ATXN7L1: variants seen among roughly 807,000 people sequenced by gnomAD.
ATXN7L1 encodes the protein ataxin 7 like 1, also known as ataxin-7-like protein 1.
A neutral mutation model predicts 70.8 loss-of-function variants in ATXN7L1; 15 were observed. The ratio of observed to expected loss-of-function variants is 0.21; its 90% CI spans 0.14 to 0.33. ATXN7L1 has a LOEUF of 0.33. Ranked by LOEUF, ATXN7L1 falls within the 10% of genes least tolerant of loss-of-function variation. ATXN7L1 has a pLI of 1.00. For synonymous variants in ATXN7L1, 440 were observed against 445.1 expected (o/e 0.99, Z 0.14); for missense variants, 975 against 1,097.1 (o/e 0.89, Z 1.57).
At chr7:105,716,605 A>C (rs1363301578) in intron 3 of ATXN7L1, among the ~76,000 whole-genome samples, 1 of 147,752 alleles carries the variant, frequency 6.8e-6, no homozygotes, top group Non-Finnish European at 1.5e-5. Context: ...CTAGGTGGGC[A>C]GATGGCTTGA....
At chr7:105,741,039 C>T (rs1797971205) in intron 3 of ATXN7L1, among the ~76,000 whole-genome samples, 1 of 152,122 alleles carries the variant, frequency 6.6e-6, no homozygotes, top group Admixed American at 6.5e-5. Context: ...GCTGGGATTA[C>T]ACGCGTGAGC....
At chr7:105,842,255 T>C (rs999081535) in intron 2 of ATXN7L1, among the ~76,000 whole-genome samples, 11 of 152,190 alleles carry the variant, frequency 7.2e-5, no homozygotes, top group African/African-American at 2.7e-4. Context: ...AATTAATTAT[T>C]TTAAACATTG....
chr7:105,702,465 A>G (rs993714235), intron 3 of ATXN7L1, among the ~76,000 whole-genome samples: 1 of 152,146 alleles, frequency 6.6e-6, no homozygotes, highest in African/African-American at 2.4e-5. Flanking sequence ...CAAGAGGTAT[A>G]AATTGTGACT....
chr7:105,820,995 A>G (rs1413550880), intron 2 of ATXN7L1, among the ~76,000 whole-genome samples: 2 of 152,168 alleles, frequency 1.3e-5, no homozygotes, highest in African/African-American at 4.8e-5. Flanking sequence ...TGCTTCCTGT[A>G]CAGCCTGCAG....
At chr7:105,710,574 A>AT (rs548949786) in intron 3 of ATXN7L1, among the ~76,000 whole-genome samples, 1 of 151,620 alleles carries the variant, frequency 6.6e-6, no homozygotes, top group Non-Finnish European at 1.5e-5. Context: ...CGTCTGGCTA[A>AT]TTTTTTTTGT....
intron 3 of ATXN7L1, among the ~76,000 whole-genome samples, chr7:105,772,986 A>G (rs1280448813): frequency 1.3e-5 from 2 of 152,212 alleles, no homozygotes; most frequent in African/African-American, 4.8e-5. Context: ...GATAACCTAT[A>G]ACTAATGTTC....
At chr7:105,813,526 G>A (rs577940419) in intron 2 of ATXN7L1, among the ~76,000 whole-genome samples, 5 of 152,014 alleles carry the variant, frequency 3.3e-5, no homozygotes, top group Admixed American at 1.3e-4. Flanking sequence ...TAGTAGAGAC[G>A]GGGTTTCTCC....
chr7:105,806,529 T>C (rs1228134876), intron 2 of ATXN7L1, among the ~76,000 whole-genome samples: 1 of 152,148 alleles, frequency 6.6e-6, no homozygotes, highest in East Asian at 1.9e-4. Flanking sequence ...GAAACTGATC[T>C]GCAGTCCAAG....
intron 4 of ATXN7L1, among the ~76,000 whole-genome samples, chr7:105,645,640 CAAAAAA>C (rs34135377): frequency 8.1e-5 from 10 of 124,084 alleles, no homozygotes; most frequent in Non-Finnish European, 1.3e-4. Context: ...GCTAAAAATC[CAAAAAA>C]AAAAAAAAAA....
chr7:105,761,111 T>A, intron 3 of ATXN7L1: 1 of 1,112,338 alleles, frequency 9.0e-7, no homozygotes, highest in South Asian at 3.9e-5. Flanking sequence ...CTTTTGCAGT[T>A]GTCCAGGTGG....
chr7:105,876,254 G>C, intron 1 of ATXN7L1, 124 bp downstream of exon 1: 5 of 1,231,714 alleles, frequency 4.1e-6, no homozygotes, highest in Non-Finnish European at 3.3e-6. Context: ...TAGAGAGAGA[G>C]GGAGAAGCAT....
At position 105,805,576 on chromosome 7, in the gene ATXN7L1, A is replaced by G. The variant is rs568833619; in HGVS notation, c.251-16868T>C. Among the ~76,000 whole-genome samples, 22 of 152,358 alleles carry G rather than the reference A, an allele frequency of 1.4e-4. 1 individual carries two copies. Among genetic ancestry groups the G allele is most frequent in the South Asian group, 6.2e-4 (3 of 4,824 alleles). Reference sequence around the variant, plus strand: ...TATGCCCTCAAGGAGCTCACAGATCATGAAAAGAGACAGGGCGAGACTCAC... The same window carrying G: ...TATGCCCTCAAGGAGCTCACAGATCGTGAAAAGAGACAGGGCGAGACTCAC... On this transcript the variant is annotated intron_variant, in intron 2 of 11. Coordinates refer to ENST00000419735, the MANE Select transcript of ATXN7L1 (RefSeq NM_020725.2).
chr7:105,718,912 T>G (rs1229159455), intron 3 of ATXN7L1, among the ~76,000 whole-genome samples: 1 of 151,896 alleles, frequency 6.6e-6, no homozygotes, highest in Non-Finnish European at 1.5e-5. Flanking sequence ...ACCTCCCAGT[T>G]TAGGAGAGAA....
At chr7:105,733,885 C>T (rs1289971844) in intron 3 of ATXN7L1, among the ~76,000 whole-genome samples, 1 of 102,144 alleles carries the variant, frequency 9.8e-6, no homozygotes, top group Non-Finnish European at 2.2e-5. Flanking sequence ...CATCCATCAT[C>T]CATCATCCAT....
intron 3 of ATXN7L1, among the ~76,000 whole-genome samples, chr7:105,692,929 G>C (rs1791205082): frequency 6.6e-6 from 1 of 152,030 alleles, no homozygotes; most frequent in South Asian, 2.1e-4. Flanking sequence ...TTGCCACCAG[G>C]CTGGTCTCAA....
intron 2 of ATXN7L1, among the ~76,000 whole-genome samples, chr7:105,871,245 A>G (rs1163961176): frequency 6.6e-6 from 1 of 152,148 alleles, no homozygotes; most frequent in Non-Finnish European, 1.5e-5. Flanking sequence ...ATGGGCAAAT[A>G]GGCCAAGAGA....
At chr7:105,788,545 G>T in intron 3 of ATXN7L1, 59 bp downstream of exon 3, 1 of 1,381,138 alleles carries the variant, frequency 7.2e-7, no homozygotes, top group South Asian at 1.2e-5. Context: ...CCCAGGGGAA[G>T]GCGACTGTCC....
At chr7:105,616,023 T>A (rs1793843984) in intron 9 of ATXN7L1, among the ~76,000 whole-genome samples, 1 of 152,234 alleles carries the variant, frequency 6.6e-6, no homozygotes, top group South Asian at 2.1e-4. Context: ...GGAAAGCACA[T>A]GGCCCTCGGG....
In ATXN7L1 at chr7:105,824,921, C is replaced by CAA. The variant is rs202077099; in HGVS notation, c.251-36215_251-36214dup. Among the ~76,000 whole-genome samples the CAA allele has an allele frequency of 1.7e-4, 16 of 95,568 alleles. No individual in the cohort carries two copies. In the East Asian group the frequency reaches 2.1e-3, roughly 13 times the overall value. The allele number at this position is 95,568 out of a possible 152,430, so 62.7% of individuals were successfully genotyped here. A position where few individuals can be genotyped will look rare whatever the true frequency, so the allele number is the denominator to read the frequency against. ...TGGGCGACAGAGTGAGATTCCGTCT[C>CAA]AAAAAAAAAAAAACAAAAAAATAAA... On this transcript the variant is annotated intron_variant, in intron 2 of 11. Transcript: ENST00000419735.
Sources: gnomAD v4.1 joint callset for allele counts (sites outside exome capture counted in the v4.1 genomes callset) on GRCh38, gnomAD v4.1.1 for gene constraint, MANE v1.5 for transcripts, NCBI Gene and HGNC (gene_info 2026-07-23, HGNC 2026-07-21) for gene names.